ZDHHC3: variants seen among roughly 807,000 people sequenced by gnomAD.
ZDHHC3 encodes the protein palmitoyltransferase ZDHHC3.
ZDHHC3 carries 9 observed loss-of-function variants against 30.6 expected under a neutral mutation model. The observed-to-expected ratio is 0.29, with a 90% confidence interval of 0.18 to 0.51. ZDHHC3 has a LOEUF of 0.51. Among genes scored for constraint, ZDHHC3 ranks in the 20% least tolerant of loss-of-function variants. ZDHHC3 has a pLI of 0.97. For synonymous variants in ZDHHC3, 136 were observed against 140.2 expected, an observed-to-expected ratio of 0.97 and a Z score of 0.21; for missense variants, 246 against 384.2, an observed-to-expected ratio of 0.64 and a Z score of 3.01.
Position 44,923,695 on chromosome 3 carries a change from C to T in ZDHHC3, c.*2994G>A. 1.2e-6 allele frequency: 1 copy of T among 806,230 alleles called. No homozygotes were observed. The highest frequency in any genetic ancestry group is 1.5e-6 in the Non-Finnish European group (1 of 666,804). 49.9% of individuals were successfully genotyped at this position (806,230 alleles called of 1,614,324 possible). A position where few individuals can be genotyped will look rare whatever the true frequency, so the allele number is the denominator to read the frequency against. On this transcript the variant is annotated 3_prime_UTR_variant, in exon 7 of 7. Coordinates refer to ENST00000424952, the MANE Select transcript of ZDHHC3 (RefSeq NM_001135179.2). ...GTACGTGCCTGTAGCCCTGGATATT[C>T]AGGAGGCCAAGGCACAAGAATCACT... is the stretch of plus-strand genomic sequence containing the variant.
intron 2 of ZDHHC3, among the ~76,000 whole-genome samples, chr3:44,952,529 T>C (rs756276687): frequency 3.9e-5 from 6 of 152,324 alleles, no homozygotes; most frequent in Admixed American, 1.3e-4. Flanking sequence ...CTAGGGACCA[T>C]GGACCAGAGT....
chr3:44,915,272 A>G lies in ZDHHC3; in HGVS notation c.*11417T>C, dbSNP rs1700085727. 1.3e-5 allele frequency: 2 copies of G among 152,196 alleles called. No homozygotes were observed. The highest frequency in any genetic ancestry group is 4.8e-5 in the African/African-American group (2 of 41,434). The allele number at this position is 152,196 out of a possible 1,614,324, so 9.4% of individuals were successfully genotyped here. ...GAGACTCCAGTCACTGAGGGTGAGC[A>G]AAGAGCTTTTTATTCAAAGAAAGAG... is the stretch of plus-strand genomic sequence containing the variant. On this transcript the variant is annotated 3_prime_UTR_variant, in exon 7 of 7. Coordinates refer to ENST00000424952, the MANE Select transcript of ZDHHC3 (RefSeq NM_001135179.2).
chr3:44,932,771 G>A, intron 5 of ZDHHC3: 1 of 765,764 alleles, frequency 1.3e-6, no homozygotes. Flanking sequence ...AGTGCCTCAT[G>A]GAAAGACAGA....
At chr3:44,967,117 T>G (rs1307326232) in intron 1 of ZDHHC3, among the ~76,000 whole-genome samples, 1 of 152,180 alleles carries the variant, frequency 6.6e-6, no homozygotes, top group East Asian at 1.9e-4. Context: ...TAAAATATTG[T>G]ACCTCCAAGC....
intron 6 of ZDHHC3, among the ~76,000 whole-genome samples, chr3:44,928,496 C>G (rs1484321644): frequency 6.6e-6 from 1 of 152,160 alleles, no homozygotes; most frequent in East Asian, 1.9e-4. Context: ...AGGAATCGTA[C>G]CGGGATGGCT....
chr3:44,926,498 G>T lies in ZDHHC3; in HGVS notation c.*191C>A. 1 of 1,283,760 alleles carries T rather than the reference G, an allele frequency of 7.8e-7. No homozygotes were observed. The highest frequency in any genetic ancestry group is 9.8e-7 in the Non-Finnish European group (1 of 1,017,756). The allele number at this position is 1,283,760 out of a possible 1,614,324, so 79.5% of individuals were successfully genotyped here. ...TTCGGTCACCAAAAGAAATCGAAAGGATGGTTTTTAAAAAATAAAATGTGG... is the reference window on the plus strand; with the variant it reads ...TTCGGTCACCAAAAGAAATCGAAAGTATGGTTTTTAAAAAATAAAATGTGG... On this transcript the variant is annotated 3_prime_UTR_variant, in exon 7 of 7. Coordinates refer to ENST00000424952, the MANE Select transcript of ZDHHC3 (RefSeq NM_001135179.2).
rs1345159739 is a variant in ZDHHC3 at position 44,959,158 on chromosome 3, G to C, written c.279C>G (p.Ser93=). 2 of 1,614,236 alleles carry C rather than the reference G, an allele frequency of 1.2e-6. No individual in the cohort carries two copies. The highest frequency in any genetic ancestry group is 8.5e-7 in the Non-Finnish European group (1 of 1,180,046). Residue 93 remains serine, a synonymous_variant, in exon 2 of 7, where the codon TCC becomes TCG. Coordinates refer to ENST00000424952, the MANE Select transcript of ZDHHC3 (RefSeq NM_001135179.2). This position sits in a 1 kb window ranked among gnomAD's most constrained non-coding sequence, Gnocchi z 4.3. The part of the protein sequence containing the change: ...FNLLAFLALA[S]HCRAMLTDPG... ...GGTCCGTCAGCATGGCCCGGCAGTG[G>C]GAGGCCAGGGCCAAGAAGGCCAGCA... is the stretch of plus-strand genomic sequence containing the variant.
Position 44,923,502 on chromosome 3 carries a change from C to A in ZDHHC3, c.*3187G>T, listed in dbSNP as rs1219208684. ...GATGAGCAAAAGCTAATACTTGGGG[C>A]TTTTTCAAGAAGTACAGGGCTGGGC... On this transcript the variant is annotated 3_prime_UTR_variant, in exon 7 of 7. Transcript: ENST00000424952. 1.0e-6 allele frequency: 1 copy of A among 985,228 alleles called. No individual in the cohort carries two copies. The highest frequency in any genetic ancestry group is 1.2e-6 in the Non-Finnish European group (1 of 829,892). The allele number at this position is 985,228 out of a possible 1,614,324, so 61.0% of individuals were successfully genotyped here.
At position 44,959,589 on chromosome 3, in the gene ZDHHC3, CT is replaced by C; in HGVS notation, c.-24-130del. The C allele has an allele frequency of 1.4e-6, 1 of 716,200 alleles. No homozygotes were observed. Among genetic ancestry groups the C allele is most frequent in the South Asian group, 1.9e-5 (1 of 52,454 alleles). The allele number at this position is 716,200 out of a possible 1,614,324, so 44.4% of individuals were successfully genotyped here. ...CCTGTGTGCAAAGCCACCTAATCAC[CT>C]TGTTCATTTAAAACATGAGTTCTCT... On this transcript the variant is annotated intron_variant, in intron 1 of 6. Coordinates refer to ENST00000424952, the MANE Select transcript of ZDHHC3 (RefSeq NM_001135179.2). The surrounding 1 kb of genome is among the most constrained non-coding windows in gnomAD (Gnocchi z 4.3).
Position 44,920,725 on chromosome 3 carries a change from T to A in ZDHHC3, c.*5964A>T. On this transcript the variant is annotated 3_prime_UTR_variant, in exon 7 of 7. Coordinates refer to ENST00000424952, the MANE Select transcript of ZDHHC3 (RefSeq NM_001135179.2). The stretch of plus-strand genomic sequence containing the variant: ...ATGAAGCCAAGAGCCCACAGGATGA[T>A]TATTTGCCATTCATGTGGCATGCTC... 1.0e-6 allele frequency: 1 copy of A among 985,358 alleles called. No homozygotes were observed. The highest frequency in any genetic ancestry group is 1.2e-6 in the Non-Finnish European group (1 of 829,920). 61.0% of individuals were successfully genotyped at this position (985,358 alleles called of 1,614,324 possible). A position where few individuals can be genotyped will look rare whatever the true frequency, so the allele number is the denominator to read the frequency against.
rs1700697394 is a variant in ZDHHC3 at position 44,922,815 on chromosome 3, G to A, written c.*3874C>T. ...GTTCTCAGGTGATGCTGATGTTGAC[G>A]TTGCTGGTCTGGCAACCTCAAGAAC... On this transcript the variant is annotated 3_prime_UTR_variant, in exon 7 of 7. Transcript: ENST00000424952. 4 of 985,178 alleles carry A rather than the reference G, an allele frequency of 4.1e-6. No homozygotes were observed. The highest frequency in any genetic ancestry group is 6.2e-5 in the Admixed American group (1 of 16,252). 61.0% of individuals were successfully genotyped at this position (985,178 alleles called of 1,614,324 possible).
In ZDHHC3 at chr3:44,944,438, G is replaced by A. The variant is rs113897792; in HGVS notation, c.431+730C>T. On this transcript the variant is annotated intron_variant, in intron 3 of 6. Transcript: ENST00000424952. ...TGGGATTACAGGCGTGAGCCACTGC[G>A]CCCGGCCTAATTTTTAAATTTTTTT... Among the ~76,000 whole-genome samples, 906 of 152,188 alleles carry A rather than the reference G, an allele frequency of 6.0e-3. 9 individuals are homozygous for A. The highest frequency in any genetic ancestry group is 0.021 in the African/African-American group (873 of 41,536).
At chr3:44,957,933 T>C (rs1704098624) in intron 2 of ZDHHC3, among the ~76,000 whole-genome samples, 1 of 152,228 alleles carries the variant, frequency 6.6e-6, no homozygotes, top group Non-Finnish European at 1.5e-5. Flanking sequence ...AGCAATGGTA[T>C]CATAAACATT....
intron 3 of ZDHHC3, among the ~76,000 whole-genome samples, chr3:44,940,802 A>G (rs186491411): frequency 7.9e-5 from 12 of 152,228 alleles, no homozygotes; most frequent in Admixed American, 2.6e-4. Flanking sequence ...TTCCTCTCCA[A>G]GGAGGTATGA....
At chr3:44,950,502 C>G (rs182564021) in intron 2 of ZDHHC3, among the ~76,000 whole-genome samples, 4 of 152,282 alleles carry the variant, frequency 2.6e-5, no homozygotes, top group African/African-American at 9.6e-5. Flanking sequence ...CATCATTCAG[C>G]AGCTCAGCCT....
At chr3:44,963,462 T>C (rs1704653773) in intron 1 of ZDHHC3, among the ~76,000 whole-genome samples, 1 of 151,200 alleles carries the variant, frequency 6.6e-6, no homozygotes, top group Non-Finnish European at 1.5e-5. Context: ...AAAAGATTTG[T>C]TCCTTAAATT....
At chr3:44,964,366 G>A (rs1050124313) in intron 1 of ZDHHC3, among the ~76,000 whole-genome samples, 2 of 152,210 alleles carry the variant, frequency 1.3e-5, no homozygotes, top group African/African-American at 4.8e-5. Flanking sequence ...AAGGGGGGCC[G>A]GGTGGGCCTG....
rs1700818428 is a variant in ZDHHC3 at position 44,924,296 on chromosome 3, A to G, written c.*2393T>C. 2 of 985,348 alleles carry G rather than the reference A, an allele frequency of 2.0e-6. No homozygotes were observed. Among genetic ancestry groups the G allele is most frequent in the Admixed American group, 1.2e-4 (2 of 16,272 alleles). 61.0% of individuals were successfully genotyped at this position (985,348 alleles called of 1,614,324 possible). On this transcript the variant is annotated 3_prime_UTR_variant, in exon 7 of 7. Transcript: ENST00000424952. ...GGCTGGGAACCAATCACTACCCTGCAAATGATGGCTACATTCCTCAGTCAT... is the reference window on the plus strand; with the variant it reads ...GGCTGGGAACCAATCACTACCCTGCGAATGATGGCTACATTCCTCAGTCAT...
Position 44,919,962 on chromosome 3 carries a change from A to G in ZDHHC3, c.*6727T>C. On this transcript the variant is annotated 3_prime_UTR_variant, in exon 7 of 7. Transcript: ENST00000424952. ...CCCAATAATGATGGTTAAGCAAATG[A>G]TTCTATAACACTATGCAGCTAGAAA... The G allele has an allele frequency of 9.5e-7, 1 of 1,056,846 alleles. No homozygotes were observed. Among genetic ancestry groups the G allele is most frequent in the Non-Finnish European group, 1.2e-6 (1 of 868,060 alleles). The allele number at this position is 1,056,846 out of a possible 1,614,324, so 65.5% of individuals were successfully genotyped here.
Sources: allele counts gnomAD v4.1 joint callset (sites outside exome capture counted in the v4.1 genomes callset), GRCh38; gene constraint gnomAD v4.1.1; non-coding constraint Gnocchi (gnomAD v3.1); transcripts MANE v1.5; gene names NCBI Gene and HGNC (gene_info 2026-07-23, HGNC 2026-07-21).